NRF1: variants seen among roughly 807,000 people sequenced by gnomAD.
The protein encoded by NRF1 is nuclear respiratory factor 1, also known as alpha palindromic-binding protein.
A neutral mutation model predicts 58.5 loss-of-function variants in NRF1; 5 were observed. The observed-to-expected ratio is 0.09, with a 90% CI of 0.04 to 0.18. The LOEUF (loss-of-function observed/expected upper bound fraction) is 0.18, where lower values mean the gene tolerates loss of function less well. Ranked by LOEUF, NRF1 falls within the 10% of genes least tolerant of loss-of-function variation. NRF1 has a pLI of 1.00. For missense variants in NRF1, 288 were observed against 657.7 expected (o/e 0.44, Z 6.15); for synonymous variants, 224 against 246.7 (o/e 0.91, Z 0.86).
intron 10 of NRF1, among the ~76,000 whole-genome samples, chr7:129,732,469 A>G (rs1332031135): frequency 6.6e-6 from 1 of 152,234 alleles, no homozygotes; most frequent in African/African-American, 2.4e-5. Flanking sequence ...CTCTTAGCAG[A>G]GCTGCTAAGA....
chr7:129,632,072 C>T (rs1030783806), intron 1 of NRF1, among the ~76,000 whole-genome samples: 11 of 152,120 alleles, frequency 7.2e-5, no homozygotes, highest in Non-Finnish European at 1.6e-4. Flanking sequence ...GCCAGTAGTT[C>T]GAGACCAGAC....
At position 129,709,191 on chromosome 7, in the gene NRF1, A is replaced by T. The variant is rs1423550326; in HGVS notation, c.723A>T (p.Ala241=). 1 of 1,581,590 alleles carries T rather than the reference A, an allele frequency of 6.3e-7. No homozygotes were observed. Among genetic ancestry groups the T allele is most frequent in the African/African-American group, 1.4e-5 (1 of 73,556 alleles). The stretch of plus-strand genomic sequence containing the variant: ...GGTGGCCTGAAGATATCCCCTGGGC[A>T]AATGTCCGGAGTGATGTCCGCACAG... The part of the protein sequence containing the change: ...PIWWPEDIPW[A]NVRSDVRTEE... Residue 241 remains alanine (A), a synonymous_variant, in exon 6 of 11, where the codon GCA becomes GCT. Transcript: ENST00000393232.
chr7:129,627,576 T>G (rs1562952889), intron 1 of NRF1, among the ~76,000 whole-genome samples: 2 of 152,106 alleles, frequency 1.3e-5, no homozygotes, highest in Non-Finnish European at 1.5e-5. Flanking sequence ...ACTCCAAGTT[T>G]TTTGTCCTGT....
At chr7:129,658,141 C>G (rs925416051) in intron 2 of NRF1, among the ~76,000 whole-genome samples, 6 of 151,954 alleles carry the variant, frequency 3.9e-5, no homozygotes, top group Admixed American at 3.9e-4. Flanking sequence ...TTCTCTTTGC[C>G]CTACCTGTTC....
At chr7:129,751,658 T>C (rs1804119388) in intron 10 of NRF1, among the ~76,000 whole-genome samples, 1 of 148,332 alleles carries the variant, frequency 6.7e-6, no homozygotes, top group Non-Finnish European at 1.5e-5. Context: ...TCACTGTATT[T>C]GTACAGCAAG....
Position 129,620,388 on chromosome 7 carries a change from CTTTT to C in NRF1, c.-7+8579_-7+8582del, listed in dbSNP as rs10714338. 5.3e-5 allele frequency among the ~76,000 whole-genome samples: 7 copies of C among 132,562 alleles called. No individual in the cohort carries two copies. In the South Asian group the frequency reaches 9.9e-4, roughly 19 times the overall value. The allele number at this position is 132,562 out of a possible 152,430, so 87.0% of individuals were successfully genotyped here. Reference sequence around the variant, plus strand: ...TTTATGGGGTAGGGGAATCAAATCACTTTTTTTTTTTTTTTTTTGAGATAGAGTC... The same window carrying C: ...TTTATGGGGTAGGGGAATCAAATCACTTTTTTTTTTTTTTGAGATAGAGTC... On this transcript the variant is annotated intron_variant, in intron 1 of 10. Coordinates refer to ENST00000393232, the MANE Select transcript of NRF1 (RefSeq NM_005011.5).
intron 10 of NRF1, among the ~76,000 whole-genome samples, chr7:129,748,596 C>G (rs1478038808): frequency 6.6e-6 from 1 of 152,158 alleles, no homozygotes; most frequent in Non-Finnish European, 1.5e-5. Flanking sequence ...AGGGTGTTAG[C>G]AGGAAAGGCT....
rs180877426 is a variant in NRF1, at chr7:129,683,238, C to A, written c.465+5480C>A. Among the ~76,000 whole-genome samples, 384 of 150,480 alleles carry A rather than the reference C, an allele frequency of 2.6e-3. 3 individuals carry two copies. The highest frequency in any genetic ancestry group is 4.3e-3 in the Non-Finnish European group (289 of 67,782). On this transcript the variant is annotated intron_variant, in intron 4 of 10. Coordinates refer to ENST00000393232, the MANE Select transcript of NRF1 (RefSeq NM_005011.5). ...TTTTCTGATCATAGTACAGAAAATT[C>A]AGAATTTTAGAATTTCAAAAGACAA...
intron 5 of NRF1, among the ~76,000 whole-genome samples, chr7:129,705,940 TGAGAGA>T (rs34931265): frequency 1.4e-5 from 2 of 145,270 alleles, no homozygotes; most frequent in African/African-American, 5.1e-5. Flanking sequence ...GATCCGAGAG[TGAGAGA>T]GAGAGAGAGA....
chr7:129,616,052 TAC>T (rs1205996791), intron 1 of NRF1, among the ~76,000 whole-genome samples: 1 of 151,750 alleles, frequency 6.6e-6, no homozygotes, highest in Non-Finnish European at 1.5e-5. Context: ...TATATATATA[TAC>T]ACACACACAT....
chr7:129,707,506 A>C (rs1407133511), intron 5 of NRF1, among the ~76,000 whole-genome samples: 1 of 152,206 alleles, frequency 6.6e-6, no homozygotes, highest in Non-Finnish European at 1.5e-5. Flanking sequence ...TTGTGTGTGA[A>C]GATTAAGCCC....
chr7:129,666,469 T>C (rs990858958), intron 2 of NRF1, among the ~76,000 whole-genome samples: 32 of 152,244 alleles, frequency 2.1e-4, no homozygotes, highest in African/African-American at 6.0e-4. Flanking sequence ...GATTCACCCA[T>C]GTTGATAATG....
chr7:129,646,882 G>A lies in NRF1; in HGVS notation c.-6-10464G>A, dbSNP rs561940376. ...AAACAGCAAGCATAACCTTGTAGGA[G>A]AGTTACAGAAACTGTAACTGCCTGG... is the stretch of plus-strand genomic sequence containing the variant. On this transcript the variant is annotated intron_variant, in intron 1 of 10. Coordinates refer to ENST00000393232, the MANE Select transcript of NRF1 (RefSeq NM_005011.5). Among the ~76,000 whole-genome samples the A allele has an allele frequency of 3.3e-5, 5 of 152,222 alleles. No homozygotes were observed. The South Asian group carries it at 1.0e-3, about 32-fold the overall frequency.
At chr7:129,722,263 T>C (rs1371566057) in intron 9 of NRF1, among the ~76,000 whole-genome samples, 6 of 151,942 alleles carry the variant, frequency 3.9e-5, no homozygotes, top group East Asian at 3.9e-4. Flanking sequence ...TGGTGGTGCA[T>C]GCCTGTAATC....
At chr7:129,674,942 C>T (rs557701094) in intron 3 of NRF1, among the ~76,000 whole-genome samples, 93 of 152,248 alleles carry the variant, frequency 6.1e-4, no homozygotes, top group Non-Finnish European at 9.6e-4. Context: ...CTTTCCTGAA[C>T]GATTTCTCTG....
Position 129,671,442 on chromosome 7 carries a change from GGCC to G in NRF1, c.240_242del (p.Ala84del), listed in dbSNP as rs766789459. ...TTATTATTTCAGGTCCTGTGGGAAT[GGCC>G]GCTGCTGCTGCTGTGGCAACAGGAA... On this transcript the variant is annotated inframe_deletion, in exon 3 of 11. Transcript: ENST00000393232. The G allele has an allele frequency of 6.2e-7, 1 of 1,612,596 alleles. No homozygotes were observed. The highest frequency in any genetic ancestry group is 8.5e-7 in the Non-Finnish European group (1 of 1,178,594).
chr7:129,708,442 C>T (rs1385936915), intron 5 of NRF1, among the ~76,000 whole-genome samples: 2 of 152,208 alleles, frequency 1.3e-5, no homozygotes, highest in Non-Finnish European at 2.9e-5. Context: ...ATATGTCAGA[C>T]TCATGGACAG....
intron 1 of NRF1, among the ~76,000 whole-genome samples, chr7:129,619,441 C>CACACAT (rs1435713425): frequency 9.8e-6 from 1 of 102,106 alleles, no homozygotes; most frequent in African/African-American, 4.6e-5. Flanking sequence ...TATACACACA[C>CACACAT]ACACACATAT....
chr7:129,730,132 G>C (rs1431624124), intron 10 of NRF1, among the ~76,000 whole-genome samples: 1 of 152,136 alleles, frequency 6.6e-6, no homozygotes, highest in Non-Finnish European at 1.5e-5. Flanking sequence ...GCCTATGTTT[G>C]TCACTTCTGG....
Sources: gnomAD v4.1 joint callset for allele counts (sites outside exome capture counted in the v4.1 genomes callset) on GRCh38, gnomAD v4.1.1 for gene constraint, MANE v1.5 for transcripts, NCBI Gene and HGNC (gene_info 2026-07-23, HGNC 2026-07-21) for gene names.